The following NXPH4 variants were observed in gnomAD, a reference collection of about 807,000 sequenced individuals.
NXPH4 encodes the protein neurexophilin-4.
In NXPH4, 8 loss-of-function variants were observed where a neutral mutation model predicts 21.3. The observed-to-expected ratio is 0.38, with a 90% CI of 0.22 to 0.68. NXPH4 has a LOEUF of 0.68. Among genes scored for constraint, NXPH4 ranks in the 30% least tolerant of loss-of-function variants. The probability of loss-of-function intolerance (pLI) is 0.53; values close to 1 mark genes in which losing one functional copy is unlikely to be tolerated. For missense variants in NXPH4, 418 were observed against 416.8 expected, an observed-to-expected ratio of 1.00 and a Z score of -0.03; for synonymous variants, 219 against 192.6, an observed-to-expected ratio of 1.14 and a Z score of -1.13.
rs371687013 is a variant in NXPH4, at chr12:57,225,759, A to C, written c.*12A>C. 3.7e-6 allele frequency: 6 copies of C among 1,604,056 alleles called. No homozygotes were observed. The highest frequency in any genetic ancestry group is 4.3e-6 in the Non-Finnish European group (5 of 1,173,418). The stretch of plus-strand genomic sequence containing the variant: ...CCTACTTCGGATAGCGCCCCTCCCC[A>C]GCCAGTCCTGAGCCTCCCGCCAAAT... On this transcript the variant is annotated 3_prime_UTR_variant, in exon 2 of 2. Transcript: ENST00000349394.
intron 1 of NXPH4, 133 bp downstream of exon 1, chr12:57,217,159 AGCGGACAGACAGACT>A: frequency 1.3e-6 from 1 of 771,764 alleles, no homozygotes; most frequent in South Asian, 1.8e-5. Flanking sequence ...GCGCGGGGGA[AGCGGACAGACAGACT>A]GCCCGATTCA....
intron 1 of NXPH4, 102 bp downstream of exon 1, chr12:57,217,128 C>G (rs1400342489): frequency 1.8e-6 from 2 of 1,094,312 alleles, no homozygotes; most frequent in Non-Finnish European, 2.6e-6. Flanking sequence ...CCCCCAGCTC[C>G]GAGCGTCCCA....
chr12:57,221,821 G>A (rs1160976030), intron 1 of NXPH4, among the ~76,000 whole-genome samples: 1 of 152,204 alleles, frequency 6.6e-6, no homozygotes, highest in Non-Finnish European at 1.5e-5. Context: ...GGGCAGAGGA[G>A]CTCCTTACCA....
intron 1 of NXPH4, among the ~76,000 whole-genome samples, chr12:57,223,871 G>A (rs2037116218): frequency 6.6e-6 from 1 of 152,222 alleles, no homozygotes; most frequent in Admixed American, 6.5e-5. Context: ...GGCCACCTGA[G>A]ACACATAGAA....
Position 57,225,487 on chromosome 12 carries a change from C to A in NXPH4, c.667C>A (p.Pro223Thr). The A allele has an allele frequency of 6.2e-7, 1 of 1,605,460 alleles. No individual in the cohort carries two copies. The highest frequency in any genetic ancestry group is 2.2e-5 in the East Asian group (1 of 44,688). The change falls in exon 2 of 2, where the codon CCT (proline) becomes ACT (threonine). Residue 223 changes from proline to threonine, a missense_variant. Pro to Thr is a conservative substitution (Grantham distance 38). Coordinates refer to ENST00000349394, the MANE Select transcript of NXPH4 (RefSeq NM_007224.4). ...GCCGCTTGGGGGCGCGTTGGGAGTG[C>A]CTGGGGCCAAAGAGTCACGCGCTTT... ...AGPLGGALGVPGAKESRAFNC... is the reference protein window; with the variant it reads ...AGPLGGALGVTGAKESRAFNC...
chr12:57,225,933 C>T lies in NXPH4; in HGVS notation c.*186C>T. 1 of 1,435,486 alleles carries T rather than the reference C, an allele frequency of 7.0e-7. No individual in the cohort carries two copies. The highest frequency in any genetic ancestry group is 1.5e-5 in the South Asian group (1 of 67,452). 88.9% of individuals were successfully genotyped at this position (1,435,486 alleles called of 1,614,324 possible). A position where few individuals can be genotyped will look rare whatever the true frequency, so the allele number is the denominator to read the frequency against. The stretch of plus-strand genomic sequence containing the variant: ...CCCTTTTCCTTATGCGGAGTGCCCG[C>T]AAGGCTGGGGTAGCCCCCTCCAGTA... On this transcript the variant is annotated 3_prime_UTR_variant, in exon 2 of 2. Coordinates refer to ENST00000349394, the MANE Select transcript of NXPH4 (RefSeq NM_007224.4).
In NXPH4 at chr12:57,224,883, C is replaced by T; in HGVS notation, c.63C>T (p.Val21=). Residue 21 remains valine, a synonymous_variant, in exon 2 of 2, where the codon GTC becomes GTT. Coordinates refer to ENST00000349394, the MANE Select transcript of NXPH4 (RefSeq NM_007224.4). The stretch of plus-strand genomic sequence containing the variant: ...TCCTCTTTCTTCGTGCACAGGCCGT[C>T]AGTGCCCAGATACCAGAGTCCGGAA... ...LFGPWLLRKA[V]SAQIPESGRP... The T allele has an allele frequency of 1.1e-6, 1 of 915,646 alleles. No homozygotes were observed. Among genetic ancestry groups the T allele is most frequent in the Non-Finnish European group, 1.6e-6 (1 of 643,032 alleles). The allele number at this position is 915,646 out of a possible 1,614,324, so 56.7% of individuals were successfully genotyped here.
chr12:57,224,950 G>T lies in NXPH4; in HGVS notation c.130G>T (p.Gly44Cys). Residue 44 changes from glycine to cysteine, a missense_variant, in exon 2 of 2, where the codon GGT becomes TGT. Transcript: ENST00000349394. ...GCTGCGCCCCGCCGCGGCCGGAGCG[G>T]GTGCCCCCGGCCAGCAGCTCCCAGA... ...LGLRPAAAGAGAPGQQLPEPR... is the reference protein window; with the variant it reads ...LGLRPAAAGACAPGQQLPEPR... 7.2e-7 allele frequency: 1 copy of T among 1,397,594 alleles called. No individual in the cohort carries two copies. The highest frequency in any genetic ancestry group is 9.3e-7 in the Non-Finnish European group (1 of 1,073,092). The allele number at this position is 1,397,594 out of a possible 1,614,324, so 86.6% of individuals were successfully genotyped here.
At position 57,224,924 on chromosome 12, in the gene NXPH4, G is replaced by T; in HGVS notation, c.104G>T (p.Gly35Val). 1 of 1,343,560 alleles carries T rather than the reference G, an allele frequency of 7.4e-7. No homozygotes were observed. The highest frequency in any genetic ancestry group is 1.7e-5 in the South Asian group (1 of 57,730). The allele number at this position is 1,343,560 out of a possible 1,614,324, so 83.2% of individuals were successfully genotyped here. Reference protein sequence around the residue: ...IPESGRPQYLGLRPAAAGAGA... With the variant: ...IPESGRPQYLVLRPAAAGAGA... ...GAGTCCGGAAGGCCGCAGTACCTGGGGCTGCGCCCCGCCGCGGCCGGAGCG... is the reference window on the plus strand; with the variant it reads ...GAGTCCGGAAGGCCGCAGTACCTGGTGCTGCGCCCCGCCGCGGCCGGAGCG... Residue 35 changes from glycine (G) to valine (V), a missense_variant, in exon 2 of 2, where the codon GGG (glycine) becomes GTG (valine). Physicochemically the swap from Gly to Val is moderately radical, Grantham distance 109. Transcript: ENST00000349394.
At chr12:57,219,588 C>A (rs1172472764) in intron 1 of NXPH4, among the ~76,000 whole-genome samples, 2 of 152,194 alleles carry the variant, frequency 1.3e-5, no homozygotes, top group African/African-American at 2.4e-5. Context: ...CAGCCAGCTA[C>A]CCCCTCCTGC....
At chr12:57,218,605 A>G (rs1400894309) in intron 1 of NXPH4, among the ~76,000 whole-genome samples, 1 of 152,222 alleles carries the variant, frequency 6.6e-6, no homozygotes, top group Non-Finnish European at 1.5e-5. Flanking sequence ...GGAATGAAAC[A>G]TCTGGTGGAG....
Position 57,226,139 on chromosome 12 carries a change from C to T in NXPH4, c.*392C>T. The T allele has an allele frequency of 2.2e-6, 1 of 454,882 alleles. No homozygotes were observed. 28.2% of individuals were successfully genotyped at this position (454,882 alleles called of 1,614,324 possible). ...CACCCTCACCCCACCCTGACTTTCC[C>T]ATCCCCCAGCGCTTGTCCTGCTTCA... On this transcript the variant is annotated 3_prime_UTR_variant, in exon 2 of 2. Transcript: ENST00000349394.
chr12:57,224,878 G>T lies in NXPH4; in HGVS notation c.58G>T (p.Ala20Ser). The T allele has an allele frequency of 2.3e-6, 2 of 863,838 alleles. No individual in the cohort carries two copies. Among genetic ancestry groups the T allele is most frequent in the Non-Finnish European group, 3.3e-6 (2 of 597,640 alleles). The allele number at this position is 863,838 out of a possible 1,614,324, so 53.5% of individuals were successfully genotyped here. ...CTCTCTCCTCTTTCTTCGTGCACAGGCCGTCAGTGCCCAGATACCAGAGTC... is the reference window on the plus strand; with the variant it reads ...CTCTCTCCTCTTTCTTCGTGCACAGTCCGTCAGTGCCCAGATACCAGAGTC... Reference protein sequence around the residue: ...LLFGPWLLRKAVSAQIPESGR... With the variant: ...LLFGPWLLRKSVSAQIPESGR... Residue 20 changes from alanine to serine, a missense_variant and splice_region_variant, in exon 2 of 2, where the codon GCC becomes TCC. Transcript: ENST00000349394.
chr12:57,221,108 T>C (rs1429373145), intron 1 of NXPH4, among the ~76,000 whole-genome samples: 3 of 152,068 alleles, frequency 2.0e-5, no homozygotes, highest in Admixed American at 6.6e-5. Flanking sequence ...ACTCTATATC[T>C]GTGCCTGCCA....
rs7974432 is a variant in NXPH4, at chr12:57,223,942, C to T, written c.58-936C>T. On this transcript the variant is annotated intron_variant, in intron 1 of 1. Transcript: ENST00000349394. ...GGAGCCCAGGAAAAGAACGGCCAGG[C>T]GGCCTCCACCAGAGTGGAGCACTGG... Among the ~76,000 whole-genome samples, 451 of 152,294 alleles carry T rather than the reference C, an allele frequency of 3.0e-3. 3 individuals carry two copies. Among genetic ancestry groups the T allele is most frequent in the Non-Finnish European group, 5.4e-3 (366 of 68,010 alleles).
rs1457549258 is a variant in NXPH4 at position 57,225,742 on chromosome 12, G to A, written c.922G>A (p.Gly308Arg). ...YNFQSEHPYF[G>R] ...CTTCCAGAGTGAGCACCCCTACTTC[G>A]GATAGCGCCCCTCCCCAGCCAGTCC... Residue 308 changes from glycine to arginine, a missense_variant, in exon 2 of 2, where the codon GGA becomes AGA. By Grantham distance (125) the Gly-to-Arg change is moderately radical (BLOSUM62 -2). Transcript: ENST00000349394. 2 of 1,608,440 alleles carry A rather than the reference G, an allele frequency of 1.2e-6. No homozygotes were observed. Among genetic ancestry groups the A allele is most frequent in the East Asian group, 2.2e-5 (1 of 44,760 alleles).
Position 57,225,018 on chromosome 12 carries a change from C to A in NXPH4, c.198C>A (p.Ser66Arg). Reference sequence around the variant, plus strand: ...GCCTAGGCGTGGGCCGCGCCTGGAGCTGGGCCTGGCCGACCAACCACACGG... The same window carrying A: ...GCCTAGGCGTGGGCCGCGCCTGGAGATGGGCCTGGCCGACCAACCACACGG... ...SDGLGVGRAW[S>R]WAWPTNHTGA... The change falls in exon 2 of 2, where the codon AGC becomes AGA. Residue 66 changes from serine to arginine, a missense_variant. Ser to Arg is a moderately radical substitution (Grantham distance 110, BLOSUM62 -1). Transcript: ENST00000349394. The A allele has an allele frequency of 6.7e-7, 1 of 1,491,334 alleles. No individual in the cohort carries two copies. The highest frequency in any genetic ancestry group is 8.9e-7 in the Non-Finnish European group (1 of 1,119,602). The allele number at this position is 1,491,334 out of a possible 1,614,324, so 92.4% of individuals were successfully genotyped here. A position where few individuals can be genotyped will look rare whatever the true frequency, so the allele number is the denominator to read the frequency against.
chr12:57,225,541 A>G lies in NXPH4; in HGVS notation c.721A>G (p.Asn241Asp). The G allele has an allele frequency of 6.2e-7, 1 of 1,613,038 alleles. No homozygotes were observed. Among genetic ancestry groups the G allele is most frequent in the Non-Finnish European group, 8.5e-7 (1 of 1,179,960 alleles). The change falls in exon 2 of 2, where the codon AAC becomes GAC. Residue 241 changes from asparagine to aspartate, a missense_variant. Transcript: ENST00000349394. Reference sequence around the variant, plus strand: ...TTGCCACGTGGAGTATGAGAAGACAAACCGCGCGCGCAAGCACCGACCGTG... The same window carrying G: ...TTGCCACGTGGAGTATGAGAAGACAGACCGCGCGCGCAAGCACCGACCGTG... ...FNCHVEYEKTNRARKHRPCLY... is the reference protein window; with the variant it reads ...FNCHVEYEKTDRARKHRPCLY...
intron 1 of NXPH4, among the ~76,000 whole-genome samples, chr12:57,223,515 G>A (rs1243436972): frequency 6.6e-6 from 1 of 151,846 alleles, no homozygotes; most frequent in Non-Finnish European, 1.5e-5. Flanking sequence ...CACATGTACC[G>A]GCCACACACA....
Sources: allele counts gnomAD v4.1 joint callset (sites outside exome capture counted in the v4.1 genomes callset), GRCh38; gene constraint gnomAD v4.1.1; transcripts MANE v1.5; gene names NCBI Gene and HGNC (gene_info 2026-07-23, HGNC 2026-07-21).